PKD1L3: variants seen among roughly 807,000 people sequenced by gnomAD.
PKD1L3 encodes polycystin 1 like 3, transient receptor potential channel interacting.
Under a neutral mutation model 184.1 loss-of-function variants are expected in PKD1L3, and 239 were observed. The ratio of observed to expected loss-of-function variants is 1.30; its 90% CI spans 1.17 to 1.45. The LOEUF is 1.45. Among genes scored for constraint, PKD1L3 ranks in the 40% most tolerant of loss-of-function variants. The probability of loss-of-function intolerance (pLI) is 0.00; values close to 1 mark genes in which losing one functional copy is unlikely to be tolerated. For missense variants in PKD1L3, 2,660 were observed against 2,067.2 expected (o/e 1.29, Z -5.56); for synonymous variants, 996 against 778.8 (o/e 1.28, Z -4.64).
In PKD1L3 at chr16:71,954,096, C is replaced by T. The variant is rs1231860172; in HGVS notation, c.2809+9G>A. 2.6e-6 allele frequency: 4 copies of T among 1,523,118 alleles called. No homozygotes were observed. The highest frequency in any genetic ancestry group is 2.6e-6 in the Non-Finnish European group (3 of 1,134,974). The allele number at this position is 1,523,118 out of a possible 1,614,324, so 94.4% of individuals were successfully genotyped here. A position where few individuals can be genotyped will look rare whatever the true frequency, so the allele number is the denominator to read the frequency against. ...ACTACAAACAACACACATCAGGGCTCATCCATACTTTGCTCATCTCTCTTG... is the reference window on the plus strand; with the variant it reads ...ACTACAAACAACACACATCAGGGCTTATCCATACTTTGCTCATCTCTCTTG... On this transcript the variant is annotated intron_variant, in intron 17 of 29. Transcript: ENST00000620267.
At chr16:71,936,524 T>TTC (rs1555513165) in intron 25 of PKD1L3, among the ~76,000 whole-genome samples, 1 of 148,894 alleles carries the variant, frequency 6.7e-6, no homozygotes. Context: ...TTTTTCTTTT[T>TTC]TTTTTTTTTT....
In PKD1L3 at chr16:71,934,048, G is replaced by A. The variant is rs2038087632; in HGVS notation, c.4691C>T (p.Thr1564Ile). The A allele has an allele frequency of 6.4e-7, 1 of 1,551,808 alleles. No homozygotes were observed. Among genetic ancestry groups the A allele is most frequent in the South Asian group, 1.2e-5 (1 of 84,074 alleles). ...HLVGFPVLLA[T>I]VQLWNLLRHS... ...ACGCAGCAGGTTCCATAACTGAACA[G>A]TTGCCAGGAGAACCGGGAAGCCCAC... is the stretch of plus-strand genomic sequence containing the variant. The change falls in exon 27 of 30, where the codon ACT (threonine) becomes ATT (isoleucine). Residue 1564 changes from threonine (T) to isoleucine (I), a missense_variant. Physicochemically the swap from Thr to Ile is moderately conservative, Grantham distance 89. Transcript: ENST00000620267.
At chr16:71,964,612 C>T (rs369735620) in intron 15 of PKD1L3, among the ~76,000 whole-genome samples, 4 of 151,414 alleles carry the variant, frequency 2.6e-5, no homozygotes, top group Non-Finnish European at 5.9e-5. Context: ...GTGCTGGGAT[C>T]ACAGGCATGA....
Position 71,942,724 on chromosome 16 carries a change from T to C in PKD1L3, c.4160A>G (p.Asp1387Gly). 6.4e-7 allele frequency: 1 copy of C among 1,551,692 alleles called. No individual in the cohort carries two copies. The highest frequency in any genetic ancestry group is 8.7e-7 in the Non-Finnish European group (1 of 1,147,000). ...GGGACGCCCACAGGTATGGCCGTTA[T>C]CACAAAACGCCAGCTGACCTTCGTC... The part of the protein sequence containing the change: ...KVDEGQLAFC[D>G]NGHTCGRPKS... The change falls in exon 24 of 30, where the codon GAT becomes GGT. Residue 1387 changes from aspartate to glycine, a missense_variant. Coordinates refer to ENST00000620267, the MANE Select transcript of PKD1L3 (RefSeq NM_181536.2).
In PKD1L3 at chr16:71,951,415, T is replaced by C. The variant is rs1319450412; in HGVS notation, c.3190+149A>G. The C allele has an allele frequency of 2.9e-5, 21 of 719,710 alleles. 1 individual carries two copies. The South Asian group carries it at 4.7e-4, about 16-fold the overall frequency. 44.6% of individuals were successfully genotyped at this position (719,710 alleles called of 1,614,324 possible). ...TACAAGTCATCAAGGAGAACAAAGC[T>C]ATCAACTCTATACTAGAAGCTTAAG... On this transcript the variant is annotated intron_variant, in intron 19 of 29. Coordinates refer to ENST00000620267, the MANE Select transcript of PKD1L3 (RefSeq NM_181536.2).
Position 71,954,200 on chromosome 16 carries a change from C to T in PKD1L3, c.2714G>A (p.Arg905Gln), listed in dbSNP as rs557060263. 10 of 1,551,738 alleles carry T rather than the reference C, an allele frequency of 6.4e-6. No individual in the cohort carries two copies. Among genetic ancestry groups the T allele is most frequent in the African/African-American group, 2.7e-5 (2 of 73,130 alleles). Residue 905 changes from arginine to glutamine, a missense_variant, in exon 17 of 30, where the codon CGG becomes CAG. By Grantham distance (43) the Arg-to-Gln change is conservative. Transcript: ENST00000620267. ...TAGCAGTGTCATGCAGCAAGACAGCCGTTGGACCCTTGTAAACTGGTTCCA... is the reference window on the plus strand; with the variant it reads ...TAGCAGTGTCATGCAGCAAGACAGCTGTTGGACCCTTGTAAACTGGTTCCA... ...HPWNQFTRVQ[R>Q]LSCCMTLLLC...
intron 28 of PKD1L3, among the ~76,000 whole-genome samples, chr16:71,931,691 T>G (rs2037975601): frequency 6.6e-6 from 1 of 152,072 alleles, no homozygotes; most frequent in African/African-American, 2.4e-5. Context: ...CTTGAACTCC[T>G]GACCTCAAGT....
intron 15 of PKD1L3, among the ~76,000 whole-genome samples, chr16:71,964,847 G>GT (rs1197710563): frequency 7.8e-6 from 1 of 128,008 alleles, no homozygotes; most frequent in Non-Finnish European, 1.7e-5. Context: ...CTATATATAT[G>GT]TATTTTTTTT....
intron 3 of PKD1L3, among the ~76,000 whole-genome samples, chr16:71,991,509 C>G (rs1274176754): frequency 6.6e-6 from 1 of 152,120 alleles, no homozygotes; most frequent in East Asian, 1.9e-4. Flanking sequence ...GAATACTGAG[C>G]AGATGTGGAA....
chr16:71,951,670 C>T lies in PKD1L3; in HGVS notation c.3084G>A (p.Trp1028Ter). Residue 1028 changes from tryptophan (W) to a stop codon, truncating the protein, a stop_gained, in exon 19 of 30, where the codon TGG becomes TGA. Coordinates refer to ENST00000620267, the MANE Select transcript of PKD1L3 (RefSeq NM_181536.2). LOFTEE classifies it high-confidence loss of function. ...CCAGCTTAGTAATGTCCCAAGAACT[C>T]CATGGCGGCTGCTCACACTTGGAGA... ...YLLSKCEQPP[W>*]SSWDITKLVK... 1 of 1,551,698 alleles carries T rather than the reference C, an allele frequency of 6.4e-7. No individual in the cohort carries two copies. Among genetic ancestry groups the T allele is most frequent in the Non-Finnish European group, 8.7e-7 (1 of 1,146,956 alleles).
rs1354324318 is a variant in PKD1L3, at chr16:71,947,588, C to T, written c.3622G>A (p.Val1208Ile). 6 of 1,532,794 alleles carry T rather than the reference C, an allele frequency of 3.9e-6. No homozygotes were observed. Among genetic ancestry groups the T allele is most frequent in the Non-Finnish European group, 5.3e-6 (6 of 1,130,852 alleles). 94.9% of individuals were successfully genotyped at this position (1,532,794 alleles called of 1,614,324 possible). ...AGTGAGTATAAGAATGTGAAGAAGA[C>T]CACCTGGGCAGGAGAATCACAGAAC... is the stretch of plus-strand genomic sequence containing the variant. The part of the protein sequence containing the change: ...NIFISQPVKV[V>I]FFTFLYSLMM... The change falls in exon 22 of 30, where the codon GTC (valine) becomes ATC (isoleucine). Residue 1208 changes from valine (V) to isoleucine (I), a missense_variant. Coordinates refer to ENST00000620267, the MANE Select transcript of PKD1L3 (RefSeq NM_181536.2).
chr16:71,999,087 C>T (rs1025479318), intron 1 of PKD1L3, among the ~76,000 whole-genome samples: 6 of 151,804 alleles, frequency 4.0e-5, no homozygotes, highest in African/African-American at 7.3e-5. Context: ...CTGGCTAACA[C>T]AGTGAAACCC....
intron 13 of PKD1L3, among the ~76,000 whole-genome samples, chr16:71,968,834 G>A (rs977341282): frequency 6.6e-5 from 10 of 152,088 alleles, no homozygotes; most frequent in Non-Finnish European, 1.2e-4. Flanking sequence ...GACCTCAAGC[G>A]ATCCACCTGC....
chr16:71,996,408 A>C (rs768853999), intron 2 of PKD1L3, among the ~76,000 whole-genome samples: 44 of 151,870 alleles, frequency 2.9e-4, no homozygotes, highest in South Asian at 4.2e-4. Flanking sequence ...CTACAGGTGC[A>C]CACCACCACG....
chr16:71,995,698 C>G (rs912359000), intron 2 of PKD1L3, among the ~76,000 whole-genome samples: 1 of 152,188 alleles, frequency 6.6e-6, no homozygotes, highest in African/African-American at 2.4e-5. Context: ...AATGAATAGC[C>G]TTACGTGTGC....
At chr16:71,962,816 C>T (rs6499553) in intron 16 of PKD1L3, among the ~76,000 whole-genome samples, 42,589 of 152,044 alleles carry the variant, frequency 0.28, 6,256 homozygotes, top group South Asian at 0.41. Flanking sequence ...TTGAAGGCTA[C>T]AGCCCTCTAA....
intron 15 of PKD1L3, among the ~76,000 whole-genome samples, chr16:71,964,638 C>T (rs768806102): frequency 5.9e-5 from 9 of 151,622 alleles, no homozygotes; most frequent in Non-Finnish European, 1.2e-4. Context: ...CATGCCTGGC[C>T]AATTCAATGT....
intron 12 of PKD1L3, 144 bp downstream of exon 12, chr16:71,973,180 C>A: frequency 1.0e-6 from 1 of 991,986 alleles, no homozygotes; most frequent in Non-Finnish European, 1.5e-6. Flanking sequence ...ACACAACCCT[C>A]CTCCCTCCTT....
Position 71,969,944 on chromosome 16 carries a change from G to A in PKD1L3, c.2115C>T (p.Ala705=), listed in dbSNP as rs1380866293. Residue 705 remains alanine, a synonymous_variant, in exon 13 of 30, where the codon GCC becomes GCT. Transcript: ENST00000620267. ...TNNPVGVSLL[A]SLLGFYVITV... ...TGATCACATAAAATCCTAAAAGGCT[G>A]GCCAGCAGTGACACCCCAACAGGAT... The A allele has an allele frequency of 7.1e-6, 11 of 1,551,752 alleles. No homozygotes were observed. The East Asian group carries it at 2.2e-4, about 31-fold the overall frequency.
Sources: allele counts gnomAD v4.1 joint callset (sites outside exome capture counted in the v4.1 genomes callset), GRCh38; gene constraint gnomAD v4.1.1; transcripts MANE v1.5; gene names NCBI Gene and HGNC (gene_info 2026-07-23, HGNC 2026-07-21).